The following PREX2 variants were observed in gnomAD, a reference collection of about 807,000 sequenced individuals.
PREX2 encodes the protein phosphatidylinositol 3,4,5-trisphosphate-dependent Rac exchanger 2 protein.
Under a neutral mutation model 203.2 loss-of-function variants are expected in PREX2, and 107 were observed. The observed-to-expected ratio is 0.53, with a 90% CI of 0.45 to 0.62. The LOEUF (loss-of-function observed/expected upper bound fraction) is 0.62, where lower values mean the gene tolerates loss of function less well. Ranked by LOEUF, PREX2 falls within the 20% of genes least tolerant of loss-of-function variation. The probability of loss-of-function intolerance (pLI) is 0.00; values close to 1 mark genes in which losing one functional copy is unlikely to be tolerated. For synonymous variants in PREX2, 672 were observed against 663.6 expected (o/e 1.01, Z -0.19); for missense variants, 1,777 against 1,955.9 (o/e 0.91, Z 1.72).
intron 1 of PREX2, among the ~76,000 whole-genome samples, chr8:68,003,643 T>G (rs1466454455): frequency 6.6e-6 from 1 of 152,138 alleles, no homozygotes; most frequent in Non-Finnish European, 1.5e-5. Context: ...ATAAGATTAC[T>G]CAAATTCTGT....
At chr8:68,045,144 G>A (rs765375218) in intron 8 of PREX2, among the ~76,000 whole-genome samples, 7 of 151,832 alleles carry the variant, frequency 4.6e-5, no homozygotes, top group African/African-American at 1.5e-4. Flanking sequence ...ATTTGAAAGT[G>A]TGGGATTTAA....
At position 68,199,894 on chromosome 8, in the gene PREX2, A is replaced by G. The variant is rs73683410; in HGVS notation, c.4604+7369A>G. Among the ~76,000 whole-genome samples, 1,466 of 152,314 alleles carry G rather than the reference A, an allele frequency of 9.6e-3. 19 individuals carry two copies. Among genetic ancestry groups the G allele is most frequent in the African/African-American group, 0.034 (1,401 of 41,580 alleles). On this transcript the variant is annotated intron_variant, in intron 37 of 39. Coordinates refer to ENST00000288368, the MANE Select transcript of PREX2 (RefSeq NM_024870.4). ...TGTCTTAGGTAATCAAAGAGTTCCC[A>G]TAGGGCAGACGATGAAGCTGCATCT...
chr8:68,232,156 G>T lies in PREX2; in HGVS notation c.*778G>T, dbSNP rs1252840591. On this transcript the variant is annotated 3_prime_UTR_variant, in exon 40 of 40. Coordinates refer to ENST00000288368, the MANE Select transcript of PREX2 (RefSeq NM_024870.4). ...CATAATGGCCCTGGGGATCAGGGAA[G>T]TGCCCTGGGGATCAGGGAGGGGAAC... The T allele has an allele frequency of 6.6e-6, 1 of 152,180 alleles. No homozygotes were observed. Among genetic ancestry groups the T allele is most frequent in the African/African-American group, 2.4e-5 (1 of 41,448 alleles). 9.4% of individuals were successfully genotyped at this position (152,180 alleles called of 1,614,324 possible).
At chr8:68,049,466 G>A (rs1296461647) in intron 8 of PREX2, among the ~76,000 whole-genome samples, 4 of 151,960 alleles carry the variant, frequency 2.6e-5, no homozygotes, top group Non-Finnish European at 4.4e-5. Context: ...CATCCACTGA[G>A]ATTTACAGTG....
chr8:68,223,411 T>C (rs1812995982), intron 38 of PREX2: 3 of 152,258 alleles, frequency 2.0e-5, no homozygotes, highest in Admixed American at 2.0e-4. Flanking sequence ...TCAATTGAGA[T>C]AACTGCTTTT....
At chr8:67,992,848 G>C (rs1044982677) in intron 1 of PREX2, among the ~76,000 whole-genome samples, 1 of 152,144 alleles carries the variant, frequency 6.6e-6, no homozygotes, top group Non-Finnish European at 1.5e-5. Flanking sequence ...AGAGGGCGTA[G>C]GGGGTCATAA....
intron 19 of PREX2, among the ~76,000 whole-genome samples, chr8:68,090,354 C>A (rs755243884): frequency 1.6e-4 from 25 of 152,238 alleles, no homozygotes; most frequent in Admixed American, 4.6e-4. Flanking sequence ...TCCCTTCAAA[C>A]TAATTCTTAG....
Position 68,232,411 on chromosome 8 carries a change from AT to A in PREX2, c.*1035del, listed in dbSNP as rs1272611008. 1.3e-5 allele frequency: 2 copies of A among 152,154 alleles called. No individual in the cohort carries two copies. The highest frequency in any genetic ancestry group is 2.4e-5 in the African/African-American group (1 of 41,454). 9.4% of individuals were successfully genotyped at this position (152,154 alleles called of 1,614,324 possible). A position where few individuals can be genotyped will look rare whatever the true frequency, so the allele number is the denominator to read the frequency against. On this transcript the variant is annotated 3_prime_UTR_variant, in exon 40 of 40. Transcript: ENST00000288368. ...TGTAATTTATGGATGCACAAGGTGT[AT>A]TCTATCCTTATTCTAAAGTATATGT...
intron 35 of PREX2, among the ~76,000 whole-genome samples, chr8:68,182,573 A>T (rs2129614454): frequency 6.6e-6 from 1 of 152,276 alleles, no homozygotes. Flanking sequence ...TTTAAAATTA[A>T]ACTCTGTAAT....
chr8:68,116,426 T>G (rs966013281), intron 26 of PREX2, among the ~76,000 whole-genome samples: 8 of 152,210 alleles, frequency 5.3e-5, no homozygotes, highest in Non-Finnish European at 1.0e-4. Flanking sequence ...ACCTTCTGTA[T>G]TAGTTTTGTA....
At chr8:68,033,305 A>G (rs1192401625) in intron 6 of PREX2, among the ~76,000 whole-genome samples, 1 of 152,144 alleles carries the variant, frequency 6.6e-6, no homozygotes, top group Middle Eastern at 3.2e-3. Context: ...TGGGGATGAT[A>G]TATAATACCT....
chr8:68,077,087 A>T (rs1809373904), intron 14 of PREX2, among the ~76,000 whole-genome samples: 1 of 152,274 alleles, frequency 6.6e-6, no homozygotes, highest in African/African-American at 2.4e-5. Flanking sequence ...AAATCTAAGA[A>T]ATCTAATCTA....
chr8:68,134,107 T>C lies in PREX2; in HGVS notation c.3815T>C (p.Val1272Ala). ...RRDMVFCQTL[V>A]ATVCAFSEQL... is the part of the protein sequence containing the mutation. ...GACATGGTTTTCTGCCAGACTCTTG[T>C]GGCCACTGTCTGTGCCTTCTCTGAG... Residue 1272 changes from valine to alanine, a missense_variant, in exon 32 of 40, where the codon GTG becomes GCG. Val to Ala is a moderately conservative substitution (Grantham distance 64). Transcript: ENST00000288368. 2.5e-6 allele frequency: 4 copies of C among 1,614,180 alleles called. No homozygotes were observed. The highest frequency in any genetic ancestry group is 3.4e-6 in the Non-Finnish European group (4 of 1,180,000).
chr8:68,222,726 C>T lies in PREX2; in HGVS notation c.4708-1833C>T, dbSNP rs200643079. On this transcript the variant is annotated intron_variant, in intron 38 of 39. Transcript: ENST00000288368. ...TTAACTACCAAAAAAAAAAAAAAAG[C>T]AATGAGTAACTTTACAGTTCCAAAA... Among the ~76,000 whole-genome samples the T allele has an allele frequency of 7.5e-4, 111 of 148,024 alleles. 2 individuals are homozygous for T. The East Asian group carries it at 0.021, about 28-fold the overall frequency.
At chr8:68,215,784 G>A (rs374899191) in intron 37 of PREX2, among the ~76,000 whole-genome samples, 56 of 152,136 alleles carry the variant, frequency 3.7e-4, no homozygotes, top group African/African-American at 1.1e-3. Flanking sequence ...TGATCCGCCC[G>A]CCTCGGCCTC....
At chr8:68,013,310 GC>G (rs1365093427) in intron 1 of PREX2, among the ~76,000 whole-genome samples, 1 of 152,072 alleles carries the variant, frequency 6.6e-6, no homozygotes, top group African/African-American at 2.4e-5. Flanking sequence ...CTATATATAT[GC>G]TTTCCCTAAG....
chr8:68,121,134 G>A (rs1810765582), intron 30 of PREX2, 85 bp downstream of exon 30: 6 of 1,384,730 alleles, frequency 4.3e-6, no homozygotes, highest in African/African-American at 1.5e-5. Flanking sequence ...GGTAATGCCT[G>A]ATTATTTTTT....
At chr8:68,062,500 G>A (rs1432835550) in intron 11 of PREX2, among the ~76,000 whole-genome samples, 1 of 152,122 alleles carries the variant, frequency 6.6e-6, no homozygotes, top group South Asian at 2.1e-4. Context: ...TTGTTGCACT[G>A]TGGCCACCCT....
rs528786299 is a variant in PREX2, at chr8:68,205,005, C to T, written c.4604+12480C>T. Among the ~76,000 whole-genome samples, 46 of 152,050 alleles carry T rather than the reference C, an allele frequency of 3.0e-4. 1 individual carries two copies. The highest frequency in any genetic ancestry group is 1.1e-3 in the African/African-American group (44 of 41,406). The stretch of plus-strand genomic sequence containing the variant: ...CCCCTCTGCTTTCTTTTAAGCTACT[C>T]GGAAACCCTTGTCTTCCAGCTCTCG... On this transcript the variant is annotated intron_variant, in intron 37 of 39. Coordinates refer to ENST00000288368, the MANE Select transcript of PREX2 (RefSeq NM_024870.4).
Sources: gnomAD v4.1 joint callset for allele counts (sites outside exome capture counted in the v4.1 genomes callset) on GRCh38, gnomAD v4.1.1 for gene constraint, MANE v1.5 for transcripts, NCBI Gene and HGNC (gene_info 2026-07-23, HGNC 2026-07-21) for gene names.